KANSL1: variants seen among roughly 807,000 people sequenced by gnomAD.
KANSL1 encodes the protein KAT8 regulatory NSL complex subunit 1.
KANSL1 carries 22 observed loss-of-function variants against 103.6 expected under a neutral mutation model. That is an observed-to-expected ratio of 0.21 (90% CI 0.15 to 0.30). KANSL1 has a LOEUF of 0.30. Among genes scored for constraint, KANSL1 ranks in the 10% least tolerant of loss-of-function variants. KANSL1 has a pLI of 1.00. For synonymous variants in KANSL1, 600 were observed against 527.6 expected (o/e 1.14, Z -1.88); for missense variants, 1,337 against 1,399.8 (o/e 0.96, Z 0.72).
intron 2 of KANSL1, among the ~76,000 whole-genome samples, chr17:46,097,841 C>G (rs1274343893): frequency 6.7e-6 from 1 of 149,808 alleles, no homozygotes; most frequent in African/African-American, 2.6e-5. Flanking sequence ...ACAAATCTGA[C>G]CACGACAGAG....
chr17:46,133,639 G>A (rs924014683), intron 2 of KANSL1, among the ~76,000 whole-genome samples: 1 of 152,122 alleles, frequency 6.6e-6, no homozygotes, highest in African/African-American at 2.4e-5. Context: ...ATTTATAAAA[G>A]CTCAATGACA....
chr17:46,047,552 C>T (rs1326316935), intron 7 of KANSL1, among the ~76,000 whole-genome samples: 3 of 152,028 alleles, frequency 2.0e-5, no homozygotes, highest in African/African-American at 7.2e-5. Context: ...TTTGAGAGGC[C>T]AAGATGGGTG....
chr17:46,192,692 G>T (rs1335962803), intron 1 of KANSL1, 131 bp downstream of exon 1: 1 of 153,508 alleles, frequency 6.5e-6, no homozygotes, highest in Non-Finnish European at 1.5e-5. Flanking sequence ...AGTTCCGGGG[G>T]ATTTTTCTAC....
chr17:46,096,481 C>T (rs1378432486), intron 2 of KANSL1, among the ~76,000 whole-genome samples: 4 of 149,872 alleles, frequency 2.7e-5, no homozygotes, highest in East Asian at 2.0e-4. Flanking sequence ...CCACCATGCC[C>T]GGCTAATTTT....
intron 6 of KANSL1, among the ~76,000 whole-genome samples, chr17:46,051,914 T>TA (rs1212628845): frequency 6.6e-6 from 1 of 152,100 alleles, no homozygotes; most frequent in Admixed American, 6.5e-5. Flanking sequence ...GGCACGCAAA[T>TA]AAAGTCTTTT....
At chr17:46,201,789 T>G (rs937277535) in intron 1 of KANSL1, among the ~76,000 whole-genome samples, 9 of 151,870 alleles carry the variant, frequency 5.9e-5, no homozygotes, top group Admixed American at 5.9e-4. Flanking sequence ...GGTGAATCAC[T>G]TGAGCTCTGG....
chr17:46,170,219 T>C (rs1401058509), intron 2 of KANSL1: 1 of 150,400 alleles, frequency 6.6e-6, no homozygotes, highest in Admixed American at 6.6e-5. Context: ...ATCAATACAT[T>C]TAACTCAGCT....
chr17:46,039,531 G>T, intron 8 of KANSL1, 171 bp downstream of exon 8: 3 of 725,058 alleles, frequency 4.1e-6, no homozygotes, highest in Non-Finnish European at 6.6e-6. Flanking sequence ...AGCTCCCGAA[G>T]TCCATCTGAG....
chr17:46,161,061 C>T (rs2045709107), intron 2 of KANSL1, among the ~76,000 whole-genome samples: 1 of 151,996 alleles, frequency 6.6e-6, no homozygotes, highest in South Asian at 2.1e-4. Context: ...CAAATGTGGG[C>T]TATTATTTCT....
At chr17:46,047,178 C>CA (rs2077542256) in intron 7 of KANSL1, among the ~76,000 whole-genome samples, 2 of 152,088 alleles carry the variant, frequency 1.3e-5, no homozygotes, top group Admixed American at 1.3e-4. Context: ...GTTTTGGTAA[C>CA]AAAAGCCAAA....
chr17:46,088,724 CCTT>C (rs2079261383), intron 3 of KANSL1: 1 of 152,182 alleles, frequency 6.6e-6, no homozygotes, highest in African/African-American at 2.4e-5. Context: ...TAAAAAAAAC[CCTT>C]TAACAATTAG....
At chr17:46,072,375 G>A (rs12150611) in intron 4 of KANSL1, among the ~76,000 whole-genome samples, 21,784 of 152,070 alleles carry the variant, frequency 0.14, 2,126 homozygotes, top group Non-Finnish European at 0.22. Flanking sequence ...TATCACATTC[G>A]TTTGGCTAGA....
In KANSL1 at chr17:46,171,631, G is replaced by C; in HGVS notation, c.513C>G (p.Asp171Glu). Residue 171 changes from aspartate to glutamate, a missense_variant, in exon 2 of 15, where the codon GAC (aspartate) becomes GAG (glutamate). Transcript: ENST00000432791. The stretch of plus-strand genomic sequence containing the variant: ...TTCCCCCATTGAGGGAAGTGGAATT[G>C]TCATGATCAGAATGTGTTGAACTTT... ...LTKSSTHSDHDNSTSLNGGKR... is the reference protein window; with the variant it reads ...LTKSSTHSDHENSTSLNGGKR... 6.4e-7 allele frequency: 1 copy of C among 1,567,744 alleles called. No homozygotes were observed. Among genetic ancestry groups the C allele is most frequent in the Non-Finnish European group, 8.6e-7 (1 of 1,160,986 alleles).
At chr17:46,038,515 G>A (rs774638418) in intron 10 of KANSL1, 23 bp downstream of exon 10, 1 of 1,611,798 alleles carries the variant, frequency 6.2e-7, no homozygotes, top group Admixed American at 1.7e-5. Flanking sequence ...GGGGTGTCCG[G>A]CCAACCCCAC....
chr17:46,175,958 C>G (rs1249932176), intron 1 of KANSL1, among the ~76,000 whole-genome samples: 1 of 152,194 alleles, frequency 6.6e-6, no homozygotes, highest in Non-Finnish European at 1.5e-5. Context: ...TATTTTGAGT[C>G]ACTTTTATAA....
chr17:46,135,647 C>G (rs1372151660), intron 2 of KANSL1, among the ~76,000 whole-genome samples: 1 of 145,446 alleles, frequency 6.9e-6, no homozygotes, highest in African/African-American at 2.6e-5. Context: ...CTGGCTCAAG[C>G]GAGCCTCCCA....
chr17:46,210,404 C>T (rs2048117791), intron 1 of KANSL1, among the ~76,000 whole-genome samples: 2 of 116,600 alleles, frequency 1.7e-5, no homozygotes, highest in Non-Finnish European at 1.7e-5. Flanking sequence ...ACCCGGGAGG[C>T]GGAGGTTGTA....
intron 4 of KANSL1, among the ~76,000 whole-genome samples, chr17:46,073,175 A>C (rs1287833216): frequency 6.6e-6 from 1 of 152,256 alleles, no homozygotes; most frequent in Non-Finnish European, 1.5e-5. Flanking sequence ...ATGAAGATGT[A>C]TCTTGGACTG....
intron 1 of KANSL1, among the ~76,000 whole-genome samples, chr17:46,207,179 G>A (rs541125846): frequency 1.2e-4 from 18 of 152,294 alleles, no homozygotes; most frequent in African/African-American, 4.3e-4. Context: ...GGAGCTTGAG[G>A]CAGAAGGAAC....
Sources: allele counts gnomAD v4.1 joint callset (sites outside exome capture counted in the v4.1 genomes callset), GRCh38; gene constraint gnomAD v4.1.1; transcripts MANE v1.5; gene names NCBI Gene and HGNC (gene_info 2026-07-23, HGNC 2026-07-21).